STOX2: variants seen among roughly 807,000 people sequenced by gnomAD.
STOX2 encodes storkhead-box protein 2.
Under a neutral mutation model 60.9 loss-of-function variants are expected in STOX2, and 28 were observed. The ratio of observed to expected loss-of-function variants is 0.46; its 90% confidence interval spans 0.34 to 0.63. The LOEUF is 0.63. Among genes scored for constraint, STOX2 ranks in the 30% least tolerant of loss-of-function variants. The probability of loss-of-function intolerance (pLI) is 0.01; values close to 1 mark genes in which losing one functional copy is unlikely to be tolerated. For missense variants in STOX2, 1,024 were observed against 1,187.7 expected (o/e 0.86, Z 2.03); for synonymous variants, 472 against 463.9 (o/e 1.02, Z -0.22).
chr4:184,016,676 G>A (rs1307180523), intron 3 of STOX2, among the ~76,000 whole-genome samples: 9 of 152,120 alleles, frequency 5.9e-5, no homozygotes, highest in Non-Finnish European at 8.8e-5. Context: ...TAAAATTATC[G>A]AGTGTGTTCA....
Position 183,951,219 on chromosome 4 carries a change from A to G in STOX2, c.166+44263A>G, listed in dbSNP as rs1436085624. ...GACAGAGCGAGACTCCGTCTCAAAA[A>G]AAAAGAAAAAAAAAAAAAAGACAGT... On this transcript the variant is annotated intron_variant, in intron 1 of 3. Coordinates refer to ENST00000308497, the MANE Select transcript of STOX2 (RefSeq NM_020225.3). 2.4e-3 allele frequency among the ~76,000 whole-genome samples: 312 copies of G among 129,140 alleles called. 1 individual carries two copies. Among genetic ancestry groups the G allele is most frequent in the African/African-American group, 9.1e-3 (290 of 31,848 alleles). 84.7% of individuals were successfully genotyped at this position (129,140 alleles called of 152,430 possible).
At chr4:183,962,956 G>A (rs1743454171) in intron 1 of STOX2, among the ~76,000 whole-genome samples, 1 of 152,340 alleles carries the variant, frequency 6.6e-6, no homozygotes, top group East Asian at 1.9e-4. Flanking sequence ...TTCTTTTGAA[G>A]ATAGGCAAAC....
At chr4:183,975,767 G>C (rs1208951964) in intron 1 of STOX2, among the ~76,000 whole-genome samples, 2 of 152,180 alleles carry the variant, frequency 1.3e-5, no homozygotes, top group East Asian at 3.9e-4. Flanking sequence ...CATCAATTCT[G>C]TAAGATCTTT....
chr4:183,839,125 C>A (rs1166548787), intron 1 of STOX2, among the ~76,000 whole-genome samples: 1 of 152,188 alleles, frequency 6.6e-6, no homozygotes, highest in South Asian at 2.1e-4. Context: ...AGATCCAATC[C>A]AAAGGCAGTT....
chr4:183,889,098 C>T (rs1169419606), intron 1 of STOX2, among the ~76,000 whole-genome samples: 1 of 151,836 alleles, frequency 6.6e-6, no homozygotes, highest in East Asian at 2.0e-4. Flanking sequence ...GTTAAAGGAT[C>T]GTCCTCAACG....
At position 184,020,516 on chromosome 4, in the gene STOX2, G is replaced by A. The variant is rs899851772; in HGVS notation, c.*3232G>A. 4 of 152,196 alleles carry A rather than the reference G, an allele frequency of 2.6e-5. No homozygotes were observed. Among genetic ancestry groups the A allele is most frequent in the Non-Finnish European group, 5.9e-5 (4 of 68,046 alleles). 9.4% of individuals were successfully genotyped at this position (152,196 alleles called of 1,614,324 possible). ...ACACACAAGCAATGTGGACTGCCAAGCTTGAAGCACTTCGGGCTCTGCCTT... is the reference window on the plus strand; with the variant it reads ...ACACACAAGCAATGTGGACTGCCAAACTTGAAGCACTTCGGGCTCTGCCTT... On this transcript the variant is annotated 3_prime_UTR_variant, in exon 4 of 4. Transcript: ENST00000308497.
intron 1 of STOX2, among the ~76,000 whole-genome samples, chr4:183,833,981 C>CAAAAAA (rs70959149): frequency 2.5e-5 from 2 of 79,840 alleles, no homozygotes; most frequent in African/African-American, 9.7e-5. Context: ...GACTCCGTCT[C>CAAAAAA]AAAAAAAAAA....
At chr4:183,861,466 T>G (rs13150058) in intron 1 of STOX2, among the ~76,000 whole-genome samples, 80,607 of 152,066 alleles carry the variant, frequency 0.53, 21,545 homozygotes, top group East Asian at 0.58. Context: ...CGAGAGCCTC[T>G]AGGGAGAGAC....
chr4:183,948,231 A>AC (rs1222734043), intron 1 of STOX2, among the ~76,000 whole-genome samples: 1 of 150,512 alleles, frequency 6.6e-6, no homozygotes, highest in Non-Finnish European at 1.5e-5. Flanking sequence ...AAAAAAAAAA[A>AC]AAAAAAAAAA....
intron 1 of STOX2, among the ~76,000 whole-genome samples, chr4:183,984,044 A>C (rs1579504120): frequency 6.7e-6 from 1 of 150,106 alleles, no homozygotes; most frequent in African/African-American, 2.5e-5. Flanking sequence ...TATGATCCCC[A>C]CCTCCCTCCC....
rs113833124 is a variant in STOX2 at position 183,915,769 on chromosome 4, G to A, written c.166+8813G>A. 4.9e-4 allele frequency among the ~76,000 whole-genome samples: 75 copies of A among 152,330 alleles called. 1 individual carries two copies. The highest frequency in any genetic ancestry group is 1.6e-3 in the African/African-American group (67 of 41,586). ...AGGCCCAGGACCGACAGCCACCACC[G>A]GAGGCCGGGAGAGAGGCCTGGGAGG... On this transcript the variant is annotated intron_variant, in intron 1 of 3. Coordinates refer to ENST00000308497, the MANE Select transcript of STOX2 (RefSeq NM_020225.3).
rs935052051 is a variant in STOX2 at position 183,949,481 on chromosome 4, C to G, written c.166+42525C>G. 1.1e-4 allele frequency among the ~76,000 whole-genome samples: 17 copies of G among 152,224 alleles called. No individual in the cohort carries two copies. The East Asian group carries it at 3.3e-3, about 29-fold the overall frequency. ...TAGGGAGGCCGAGGTGGGCGGATTACAAGGTCAGGAGTTCGAGACCAGCCT... is the reference window on the plus strand; with the variant it reads ...TAGGGAGGCCGAGGTGGGCGGATTAGAAGGTCAGGAGTTCGAGACCAGCCT... On this transcript the variant is annotated intron_variant, in intron 1 of 3. Coordinates refer to ENST00000308497, the MANE Select transcript of STOX2 (RefSeq NM_020225.3).
intron 1 of STOX2, among the ~76,000 whole-genome samples, chr4:183,973,120 T>C (rs1329872424): frequency 1.3e-5 from 2 of 152,068 alleles, no homozygotes; most frequent in Non-Finnish European, 2.9e-5. Flanking sequence ...ATACCAAAAA[T>C]GTCCAACATT....
intron 1 of STOX2, among the ~76,000 whole-genome samples, chr4:183,829,720 A>C (rs997979056): frequency 2.0e-5 from 3 of 152,206 alleles, no homozygotes; most frequent in African/African-American, 7.2e-5. Flanking sequence ...TGTAATTTTA[A>C]GCCAGCTCGA....
At chr4:183,890,540 A>AGGAGAGAGGGAGGGAGGGAGGGAC (rs1741185125) in intron 1 of STOX2, among the ~76,000 whole-genome samples, 1 of 146,280 alleles carries the variant, frequency 6.8e-6, no homozygotes, top group Admixed American at 6.8e-5. Flanking sequence ...GAGGGAAGGA[A>AGGAGAGAGGGAGGGAGGGAGGGAC]GGAGAGAGGG....
chr4:183,912,649 C>A (rs970909104), intron 1 of STOX2, among the ~76,000 whole-genome samples: 2 of 152,164 alleles, frequency 1.3e-5, no homozygotes, highest in African/African-American at 4.8e-5. Flanking sequence ...GCAACACGGT[C>A]ACATTGTGCC....
chr4:183,935,292 C>T (rs1335808019), intron 1 of STOX2, among the ~76,000 whole-genome samples: 1 of 152,194 alleles, frequency 6.6e-6, no homozygotes, highest in Non-Finnish European at 1.5e-5. Context: ...GCAAAACTGC[C>T]TCAAACATAC....
intron 1 of STOX2, among the ~76,000 whole-genome samples, chr4:183,831,222 T>C (rs894031081): frequency 6.6e-6 from 1 of 152,020 alleles, no homozygotes; most frequent in African/African-American, 2.4e-5. Context: ...CAGGATACAG[T>C]AGGTTAAAAA....
At position 184,010,437 on chromosome 4, in the gene STOX2, A is replaced by C. The variant is rs767857589; in HGVS notation, c.1599A>C (p.Leu533Phe). 6.2e-7 allele frequency: 1 copy of C among 1,613,888 alleles called. No homozygotes were observed. ...AATCCTACATTGACGACAGTACTTT[A>C]AGGCCTGCACAGACCGTTAGTCTCC... ...PSQSYIDDSTLRPAQTVSLQR... is the reference protein window; with the variant it reads ...PSQSYIDDSTFRPAQTVSLQR... Residue 533 changes from leucine (L) to phenylalanine (F), a missense_variant, in exon 3 of 4, where the codon TTA (leucine) becomes TTC (phenylalanine). This residue lies in a region of STOX2 where 922 missense variants were observed against 1,058.3 expected (regional missense o/e 0.87). Coordinates refer to ENST00000308497, the MANE Select transcript of STOX2 (RefSeq NM_020225.3). This position sits in a 1 kb window ranked among gnomAD's most constrained non-coding sequence, Gnocchi z 4.5.
Sources: allele counts gnomAD v4.1 joint callset (sites outside exome capture counted in the v4.1 genomes callset), GRCh38; gene constraint gnomAD v4.1.1; regional missense constraint gnomAD v4.1.1; non-coding constraint Gnocchi (gnomAD v3.1); transcripts MANE v1.5; gene names NCBI Gene and HGNC (gene_info 2026-07-23, HGNC 2026-07-21).